CNTNAP2: variants seen among roughly 807,000 people sequenced by gnomAD.
CNTNAP2 encodes contactin associated protein 2.
A neutral mutation model predicts 155.2 loss-of-function variants in CNTNAP2; 98 were observed. That is an observed-to-expected ratio of 0.63 (90% CI 0.54 to 0.75). The LOEUF (loss-of-function observed/expected upper bound fraction) is 0.75. CNTNAP2 is among the 30% of genes least tolerant of loss of function. CNTNAP2 has a pLI of 0.00. For missense variants in CNTNAP2, 1,727 were observed against 1,688.1 expected (o/e 1.02, Z -0.40); for synonymous variants, 651 against 631.2 (o/e 1.03, Z -0.47).
intron 1 of CNTNAP2, among the ~76,000 whole-genome samples, chr7:146,671,405 CCT>C (rs1368658942): frequency 4.1e-5 from 6 of 145,426 alleles, no homozygotes; most frequent in African/African-American, 9.9e-5. Context: ...TTTCTGTCTC[CCT>C]GTTTCTCTCT....
At chr7:147,697,655 G>A (rs774000882) in intron 13 of CNTNAP2, among the ~76,000 whole-genome samples, 5 of 152,030 alleles carry the variant, frequency 3.3e-5, no homozygotes, top group Admixed American at 6.6e-5. Context: ...ACAAGTTTCC[G>A]CCAACCCCTT....
chr7:146,257,764 C>T (rs553675582), intron 1 of CNTNAP2, among the ~76,000 whole-genome samples: 2 of 152,302 alleles, frequency 1.3e-5, no homozygotes, highest in South Asian at 2.1e-4. Flanking sequence ...AGAGAACATA[C>T]TTTGAAAATC....
intron 11 of CNTNAP2, among the ~76,000 whole-genome samples, chr7:147,487,335 G>A (rs17170553): frequency 0.035 from 5,253 of 151,758 alleles, 235 homozygotes; most frequent in African/African-American, 0.1. Context: ...AATGAATAAA[G>A]AACAAAAATG....
chr7:146,418,592 T>C (rs1795968970), intron 1 of CNTNAP2, among the ~76,000 whole-genome samples: 1 of 152,164 alleles, frequency 6.6e-6, no homozygotes, highest in African/African-American at 2.4e-5. Flanking sequence ...TAATGCGTAT[T>C]TATTTTCTCA....
intron 14 of CNTNAP2, among the ~76,000 whole-genome samples, chr7:147,909,478 C>T (rs1800022321): frequency 6.6e-6 from 1 of 152,162 alleles, no homozygotes; most frequent in Admixed American, 6.6e-5. Context: ...CACAACGAAG[C>T]TGCAATGGCC....
chr7:146,755,976 G>A (rs1801988631), intron 1 of CNTNAP2, among the ~76,000 whole-genome samples: 1 of 151,936 alleles, frequency 6.6e-6, no homozygotes, highest in South Asian at 2.1e-4. Context: ...TGAAACGAAA[G>A]TGGATGACTG....
At chr7:148,275,944 A>T (rs1796863884) in intron 21 of CNTNAP2, among the ~76,000 whole-genome samples, 1 of 152,166 alleles carries the variant, frequency 6.6e-6, no homozygotes, top group Non-Finnish European at 1.5e-5. Flanking sequence ...CTTTGGAAAC[A>T]CAGTGTGCTA....
intron 3 of CNTNAP2, among the ~76,000 whole-genome samples, chr7:146,871,361 T>C (rs1410031475): frequency 1.3e-5 from 2 of 151,848 alleles, no homozygotes; most frequent in East Asian, 3.9e-4. Flanking sequence ...TGAAACCCCA[T>C]CTCTACTAAA....
At chr7:148,099,287 A>G (rs1804043955) in intron 15 of CNTNAP2, among the ~76,000 whole-genome samples, 1 of 152,238 alleles carries the variant, frequency 6.6e-6, no homozygotes, top group African/African-American at 2.4e-5. Flanking sequence ...CTATTTATTA[A>G]TAATGCCATT....
In CNTNAP2 at chr7:146,749,933, C is replaced by G. The variant is rs780283949; in HGVS notation, c.98-24338C>G. On this transcript the variant is annotated intron_variant, in intron 1 of 23. Transcript: ENST00000361727. The stretch of plus-strand genomic sequence containing the variant: ...GCTATGGCATGTTTTCAAAGATAAC[C>G]TAGTAGTGGTGATGAAAGGCACAGT... 1.4e-3 allele frequency among the ~76,000 whole-genome samples: 218 copies of G among 152,200 alleles called. 1 individual carries two copies. The highest frequency in any genetic ancestry group is 2.7e-3 in the Non-Finnish European group (185 of 68,012).
intron 1 of CNTNAP2, among the ~76,000 whole-genome samples, chr7:146,419,512 A>G (rs929944916): frequency 1.3e-5 from 2 of 152,144 alleles, no homozygotes; most frequent in African/African-American, 4.8e-5. Flanking sequence ...TGGATTGGCC[A>G]TTTTAATTCC....
rs1554450278 is a variant in CNTNAP2, at chr7:147,924,143, C to CTTTTCTTTTTTTT, written c.2255+20426_2255+20427insCTTTTTTTTTTTT. Among the ~76,000 whole-genome samples the CTTTTCTTTTTTTT allele has an allele frequency of 7.6e-3, 941 of 123,440 alleles. 6 individuals carry two copies. The highest frequency in any genetic ancestry group is 0.012 in the Non-Finnish European group (731 of 60,834). The allele number at this position is 123,440 out of a possible 152,430, so 81.0% of individuals were successfully genotyped here. A position where few individuals can be genotyped will look rare whatever the true frequency, so the allele number is the denominator to read the frequency against. The stretch of plus-strand genomic sequence containing the variant: ...GCACTTTTTTCTTTTCTTTTCTTTT[C>CTTTTCTTTTTTTT]TTTTTTTTTTTTTGAGACAGAGTTT... On this transcript the variant is annotated intron_variant, in intron 14 of 23. Coordinates refer to ENST00000361727, the MANE Select transcript of CNTNAP2 (RefSeq NM_014141.6).
intron 3 of CNTNAP2, among the ~76,000 whole-genome samples, chr7:147,037,174 A>G (rs1046042289): frequency 6.6e-6 from 1 of 152,114 alleles, no homozygotes; most frequent in Admixed American, 6.5e-5. Context: ...GGAGAGAAGT[A>G]AAATATGAAC....
chr7:147,619,462 T>C (rs775647838), intron 12 of CNTNAP2, among the ~76,000 whole-genome samples: 1 of 152,176 alleles, frequency 6.6e-6, no homozygotes, highest in Non-Finnish European at 1.5e-5. Flanking sequence ...CCCTGAAGGG[T>C]GAGTCCCGGA....
chr7:147,032,999 A>G (rs1299834381), intron 3 of CNTNAP2, among the ~76,000 whole-genome samples: 2 of 151,812 alleles, frequency 1.3e-5, no homozygotes, highest in African/African-American at 4.8e-5. Flanking sequence ...ATTAATTTTC[A>G]AAGTCAAATT....
At chr7:147,852,175 A>G (rs187175478) in intron 13 of CNTNAP2, among the ~76,000 whole-genome samples, 20 of 152,294 alleles carry the variant, frequency 1.3e-4, no homozygotes, top group Non-Finnish European at 2.5e-4. Flanking sequence ...ACATGAATTC[A>G]TGAATTATGT....
intron 15 of CNTNAP2, among the ~76,000 whole-genome samples, chr7:148,080,604 CAAAAAAAAAAA>C (rs199500286): frequency 2.9e-5 from 2 of 69,742 alleles, no homozygotes; most frequent in African/African-American, 5.8e-5. Flanking sequence ...GACTCCATCT[CAAAAAAAAAAA>C]AAAAAAAAGA....
chr7:148,320,940 C>T (rs4725774), intron 21 of CNTNAP2, among the ~76,000 whole-genome samples: 49,426 of 152,054 alleles, frequency 0.33, 8,750 homozygotes, highest in East Asian at 0.48. Context: ...GTAGGCTATT[C>T]GTCAATGAGT....
chr7:148,361,911 G>A (rs964810261), intron 21 of CNTNAP2, among the ~76,000 whole-genome samples: 6 of 152,034 alleles, frequency 3.9e-5, no homozygotes, highest in Admixed American at 6.5e-5. Flanking sequence ...CCATCAGATC[G>A]GCCGGGCACG....
Sources: allele counts gnomAD v4.1 joint callset (sites outside exome capture counted in the v4.1 genomes callset), GRCh38; gene constraint gnomAD v4.1.1; transcripts MANE v1.5; gene names NCBI Gene and HGNC (gene_info 2026-07-23, HGNC 2026-07-21).